Variants in TMIE observed in about 807,000 individuals in gnomAD.
TMIE encodes transmembrane inner ear expressed protein.
A neutral mutation model predicts 16.8 loss-of-function variants in TMIE; 14 were observed. That is an observed-to-expected ratio of 0.83 (90% confidence interval 0.55 to 1.30). The LOEUF is 1.30. TMIE is among the 50% of genes most tolerant of loss of function. TMIE has a pLI of 0.00. For synonymous variants in TMIE, 75 were observed against 87.2 expected (o/e 0.86, Z 0.78); for missense variants, 204 against 205.9 (o/e 0.99, Z 0.06).
At chr3:46,702,673 AG>A (rs1442343502) in intron 1 of TMIE, among the ~76,000 whole-genome samples, 3 of 151,954 alleles carry the variant, frequency 2.0e-5, no homozygotes, top group African/African-American at 7.2e-5. Context: ...TGGGATAGAG[AG>A]GACAGAGCCA....
intron 2 of TMIE, 83 bp from the exon 3 acceptor site, chr3:46,709,043 G>C: frequency 6.3e-7 from 1 of 1,575,788 alleles, no homozygotes; most frequent in South Asian, 1.1e-5. Flanking sequence ...GGGTGGATGG[G>C]GGCGGGCCTG....
chr3:46,700,137 C>G (rs990678341), upstream of TMIE, among the ~76,000 whole-genome samples: 1 of 152,224 alleles, frequency 6.6e-6, no homozygotes, highest in African/African-American at 2.4e-5. Context: ...CTGGCCAGGG[C>G]ATGCCTGGGG....
chr3:46,702,377 C>T (rs1015683926), intron 1 of TMIE, among the ~76,000 whole-genome samples: 1 of 152,028 alleles, frequency 6.6e-6, no homozygotes, highest in South Asian at 2.1e-4. Context: ...TGGTGGAGAG[C>T]CTGGCTGGGG....
At chr3:46,700,675 C>G (rs76980574), upstream of TMIE, among the ~76,000 whole-genome samples, 1 of 152,200 alleles carries the variant, frequency 6.6e-6, no homozygotes, top group Non-Finnish European at 1.5e-5. Context: ...TGTCAAGGCT[C>G]AACATGGGGT....
Position 46,701,505 on chromosome 3 carries a change from C to G in TMIE, c.18C>G (p.Gly6=). 3.0e-6 allele frequency: 4 copies of G among 1,341,366 alleles called. No homozygotes were observed. The highest frequency in any genetic ancestry group is 3.8e-6 in the Non-Finnish European group (4 of 1,050,276). The allele number at this position is 1,341,366 out of a possible 1,614,324, so 83.1% of individuals were successfully genotyped here. A position where few individuals can be genotyped will look rare whatever the true frequency, so the allele number is the denominator to read the frequency against. The part of the protein sequence containing the change: MAGWP[G]AGPLCVLGGA... ...GCACGAAGATGGCGGGGTGGCCGGGCGCGGGTCCCCTCTGCGTGCTGGGCG... is the reference window on the plus strand; with the variant it reads ...GCACGAAGATGGCGGGGTGGCCGGGGGCGGGTCCCCTCTGCGTGCTGGGCG... Residue 6 remains glycine (G), a synonymous_variant, in exon 1 of 4, where the codon GGC becomes GGG. Coordinates refer to ENST00000643606, the MANE Select transcript of TMIE (RefSeq NM_147196.3). The surrounding 1 kb of genome is among the most constrained non-coding windows in gnomAD (Gnocchi z 4.3).
Position 46,701,501 on chromosome 3 carries a change from C to T in TMIE, c.14C>T (p.Pro5Leu). 1 of 1,342,876 alleles carries T rather than the reference C, an allele frequency of 7.4e-7. No homozygotes were observed. Among genetic ancestry groups the T allele is most frequent in the South Asian group, 1.9e-5 (1 of 53,190 alleles). The allele number at this position is 1,342,876 out of a possible 1,614,324, so 83.2% of individuals were successfully genotyped here. The change falls in exon 1 of 4, where the codon CCG (proline) becomes CTG (leucine). Residue 5 changes from proline to leucine, a missense_variant. Pro to Leu is a moderately conservative substitution (Grantham distance 98). Coordinates refer to ENST00000643606, the MANE Select transcript of TMIE (RefSeq NM_147196.3). The surrounding 1 kb of genome is among the most constrained non-coding windows in gnomAD (Gnocchi z 4.3). The stretch of plus-strand genomic sequence containing the variant: ...GGTGGCACGAAGATGGCGGGGTGGC[C>T]GGGCGCGGGTCCCCTCTGCGTGCTG... MAGW[P>L]GAGPLCVLGG...
At chr3:46,699,666 C>T (rs1003705382), upstream of TMIE, among the ~76,000 whole-genome samples, 10 of 152,224 alleles carry the variant, frequency 6.6e-5, no homozygotes, top group South Asian at 2.1e-4. Context: ...CAGGGAACAC[C>T]GGGGGACACA....
intron 2 of TMIE, among the ~76,000 whole-genome samples, 163 bp downstream of exon 2, chr3:46,706,070 C>T (rs1326879719): frequency 6.6e-5 from 10 of 152,254 alleles, no homozygotes; most frequent in Admixed American, 6.5e-4. Context: ...CACAAACTCC[C>T]CGTGGAGGGC....
rs1029553725 is a variant in TMIE at position 46,710,321 on chromosome 3, C to G, written c.*633C>G. ...CAAGCTCAAGGCAATGGGCTACCCTCATTTCACACGTTGTGATGAAGCTGA... is the reference window on the plus strand; with the variant it reads ...CAAGCTCAAGGCAATGGGCTACCCTGATTTCACACGTTGTGATGAAGCTGA... On this transcript the variant is annotated 3_prime_UTR_variant, in exon 4 of 4. Transcript: ENST00000643606. 2 of 163,574 alleles carry G rather than the reference C, an allele frequency of 1.2e-5. No individual in the cohort carries two copies. Among genetic ancestry groups the G allele is most frequent in the African/African-American group, 4.8e-5 (2 of 41,690 alleles). 10.1% of individuals were successfully genotyped at this position (163,574 alleles called of 1,614,324 possible).
upstream of TMIE, among the ~76,000 whole-genome samples, chr3:46,699,239 A>G (rs1273883957): frequency 6.6e-6 from 1 of 151,546 alleles, no homozygotes; most frequent in Non-Finnish European, 1.5e-5. Context: ...CACCCAGCTA[A>G]TTTTGTATTT....
intron 2 of TMIE, among the ~76,000 whole-genome samples, chr3:46,707,720 G>C (rs1700569376): frequency 6.6e-6 from 1 of 152,228 alleles, no homozygotes; most frequent in Admixed American, 6.5e-5. Context: ...CCTGAAGTGA[G>C]GGGTGGTGTT....
rs554299988 is a variant in TMIE at position 46,710,363 on chromosome 3, G to A, written c.*675G>A. 1.6e-4 allele frequency: 25 copies of A among 160,152 alleles called. No individual in the cohort carries two copies. Among genetic ancestry groups the A allele is most frequent in the Non-Finnish European group, 2.4e-4 (17 of 72,320 alleles). 9.9% of individuals were successfully genotyped at this position (160,152 alleles called of 1,614,324 possible). On this transcript the variant is annotated 3_prime_UTR_variant, in exon 4 of 4. Coordinates refer to ENST00000643606, the MANE Select transcript of TMIE (RefSeq NM_147196.3). ...TGAAGCTGAGGCTGCTGCCAGGCCC[G>A]GCATGAGGCCCCGAGGCTCGAGCTC...
intron 1 of TMIE, among the ~76,000 whole-genome samples, chr3:46,702,441 T>C (rs1186664710): frequency 6.6e-6 from 1 of 152,064 alleles, no homozygotes; most frequent in Non-Finnish European, 1.5e-5. Flanking sequence ...ACCCCACTCC[T>C]GCGGAGCCTG....
Position 46,705,107 on chromosome 3 carries a change from G to A in TMIE, c.94-683G>A, listed in dbSNP as rs570071775. On this transcript the variant is annotated intron_variant, in intron 1 of 3. Coordinates refer to ENST00000643606, the MANE Select transcript of TMIE (RefSeq NM_147196.3). ...TATCCCCTCAGTCCCCCAGGGCAGG[G>A]TCATGTCCACCTGGAAAGTGGGAGT... is the stretch of plus-strand genomic sequence containing the variant. 2.4e-4 allele frequency among the ~76,000 whole-genome samples: 37 copies of A among 152,322 alleles called. 1 individual carries two copies. Among genetic ancestry groups the A allele is most frequent in the Admixed American group, 1.6e-3 (25 of 15,302 alleles).
In TMIE at chr3:46,709,227, A is replaced by T. The variant is rs1378056249; in HGVS notation, c.313A>T (p.Lys105Ter). The change falls in exon 3 of 4, where the codon AAG (lysine) becomes TAG (stop). Residue 105 changes from lysine (K) to a stop codon, truncating the protein, a stop_gained. Coordinates refer to ENST00000643606, the MANE Select transcript of TMIE (RefSeq NM_147196.3). LOFTEE classifies it high-confidence loss of function. Reference protein sequence around the residue: ...QRKAAKMYTDKLETVPPLNEL... With the variant: ...QRKAAKMYTD ...AAAGGCAGCCAAGATGTACACAGAC[A>T]AGCTGGAGACTGTGCCACCCCTCAA... 6.2e-7 allele frequency: 1 copy of T among 1,614,136 alleles called. No homozygotes were observed. Among genetic ancestry groups the T allele is most frequent in the East Asian group, 2.2e-5 (1 of 44,874 alleles).
upstream of TMIE, among the ~76,000 whole-genome samples, chr3:46,700,524 G>A (rs1217748371): frequency 1.3e-5 from 2 of 152,224 alleles, no homozygotes; most frequent in African/African-American, 4.8e-5. Flanking sequence ...CTCAGCAGCA[G>A]GAGATAAATA....
At chr3:46,705,175 G>A (rs962915358) in intron 1 of TMIE, among the ~76,000 whole-genome samples, 2 of 152,182 alleles carry the variant, frequency 1.3e-5, no homozygotes, top group South Asian at 2.1e-4. Context: ...CCGCACTTCT[G>A]CCTTTTGGCC....
At chr3:46,708,908 G>A (rs548400704) in intron 2 of TMIE, among the ~76,000 whole-genome samples, 12 of 152,324 alleles carry the variant, frequency 7.9e-5, no homozygotes, top group South Asian at 2.1e-4. Context: ...TTCCAAGCAC[G>A]GGGGCCTGTG....
At chr3:46,694,977 T>C (rs1240881081) in intron 1 of TMIE, among the ~76,000 whole-genome samples, 2 of 152,172 alleles carry the variant, frequency 1.3e-5, no homozygotes, top group East Asian at 3.9e-4. Context: ...CCCTGCCTGC[T>C]AGAGGTGTTG....
Sources: allele counts gnomAD v4.1 joint callset (sites outside exome capture counted in the v4.1 genomes callset), GRCh38; gene constraint gnomAD v4.1.1; non-coding constraint Gnocchi (gnomAD v3.1); transcripts MANE v1.5; gene names NCBI Gene and HGNC (gene_info 2026-07-23, HGNC 2026-07-21).